The following LIN7A variants were observed in gnomAD, a reference collection of about 807,000 sequenced individuals.
LIN7A encodes the protein protein lin-7 homolog A.
Under a neutral mutation model 29.8 loss-of-function variants are expected in LIN7A, and 25 were observed. The observed-to-expected ratio is 0.84, with a 90% confidence interval of 0.61 to 1.17. The LOEUF is 1.17. LIN7A is among the 50% of genes most tolerant of loss of function. The pLI is 0.00. For synonymous variants in LIN7A, 118 were observed against 107.5 expected (o/e 1.10, Z -0.60); for missense variants, 239 against 287.0 (o/e 0.83, Z 1.21).
intron 5 of LIN7A, among the ~76,000 whole-genome samples, chr12:80,809,263 G>T (rs1018915904): frequency 1.3e-5 from 2 of 152,204 alleles, no homozygotes; most frequent in Non-Finnish European, 1.5e-5. Flanking sequence ...ACTGCTCCCA[G>T]CCTGTAGCTT....
intron 1 of LIN7A, among the ~76,000 whole-genome samples, chr12:80,913,292 T>C (rs1045971245): frequency 3.3e-5 from 5 of 152,226 alleles, no homozygotes; most frequent in African/African-American, 1.2e-4. Flanking sequence ...TTTTACGTAA[T>C]CTCAGTTTAA....
At chr12:80,813,491 T>C (rs1477870974) in intron 4 of LIN7A, among the ~76,000 whole-genome samples, 1 of 152,116 alleles carries the variant, frequency 6.6e-6, no homozygotes, top group East Asian at 1.9e-4. Context: ...AATTTTATAT[T>C]AAGAAAAATC....
At chr12:80,853,321 C>CTAAAATAA (rs1369809867) in intron 2 of LIN7A, among the ~76,000 whole-genome samples, 1 of 137,634 alleles carries the variant, frequency 7.3e-6, no homozygotes, top group African/African-American at 2.6e-5. Context: ...AAAAGATAGC[C>CTAAAATAA]TAAAATAATA....
intron 5 of LIN7A, among the ~76,000 whole-genome samples, chr12:80,808,653 C>A (rs1015274100): frequency 1.3e-5 from 2 of 150,388 alleles, no homozygotes; most frequent in African/African-American, 4.9e-5. Context: ...CTACAGGCGC[C>A]CGCCACCACG....
chr12:80,873,675 A>G (rs763145980), intron 2 of LIN7A, among the ~76,000 whole-genome samples: 2 of 152,186 alleles, frequency 1.3e-5, no homozygotes, highest in African/African-American at 4.8e-5. Flanking sequence ...GACCTCAATG[A>G]TTTATCTGTC....
chr12:80,895,049 G>A (rs945312332), intron 1 of LIN7A, among the ~76,000 whole-genome samples: 3 of 152,052 alleles, frequency 2.0e-5, no homozygotes, highest in African/African-American at 7.2e-5. Context: ...AAATAATAAA[G>A]ATATGGCAAA....
chr12:80,822,969 C>CA (rs1474193914), intron 4 of LIN7A, among the ~76,000 whole-genome samples: 1 of 152,116 alleles, frequency 6.6e-6, no homozygotes, highest in African/African-American at 2.4e-5. Context: ...GCCTATGGAC[C>CA]AATCAGCATG....
At chr12:80,829,284 T>C (rs1266265833) in intron 4 of LIN7A, among the ~76,000 whole-genome samples, 3 of 152,230 alleles carry the variant, frequency 2.0e-5, no homozygotes, top group African/African-American at 4.8e-5. Flanking sequence ...AGAAGTATAG[T>C]CTGTGGGAGC....
At chr12:80,881,160 G>GA (rs5799496) in intron 2 of LIN7A, among the ~76,000 whole-genome samples, 99,693 of 151,848 alleles carry the variant, frequency 0.66, 36,294 homozygotes, top group Non-Finnish European at 0.83. Context: ...TTCTCCAGGG[G>GA]AAAAAAATCT....
Position 80,801,039 on chromosome 12 carries a change from A to T in LIN7A, c.*1-3313T>A, listed in dbSNP as rs149738828. ...TTTAAAAATCAGGTTATAATTTAGC[A>T]TGTAAAATATGAGTGAAAATAAGCA... On this transcript the variant is annotated intron_variant, in intron 5 of 5. Coordinates refer to ENST00000552864, the MANE Select transcript of LIN7A (RefSeq NM_004664.4). Among the ~76,000 whole-genome samples, 171 of 150,526 alleles carry T rather than the reference A, an allele frequency of 1.1e-3. 2 individuals are homozygous for T. In the East Asian group the frequency reaches 0.028, roughly 25 times the overall value.
At chr12:80,817,204 G>A (rs1322642396) in intron 4 of LIN7A, among the ~76,000 whole-genome samples, 1 of 152,118 alleles carries the variant, frequency 6.6e-6, no homozygotes, top group East Asian at 1.9e-4. Context: ...GGTTGATTAA[G>A]GATCATCCCT....
intron 1 of LIN7A, among the ~76,000 whole-genome samples, chr12:80,918,026 C>T (rs1207469257): frequency 2.0e-5 from 3 of 151,876 alleles, no homozygotes. Context: ...ATGTACATTT[C>T]TTTCTTTCAT....
intron 5 of LIN7A, among the ~76,000 whole-genome samples, chr12:80,798,835 C>T (rs767348692): frequency 3.3e-5 from 5 of 150,596 alleles, no homozygotes; most frequent in African/African-American, 4.9e-5. Flanking sequence ...CAGACTCAAG[C>T]GATTCTTCTG....
intron 1 of LIN7A, among the ~76,000 whole-genome samples, chr12:80,896,052 T>C (rs1266647300): frequency 6.6e-6 from 1 of 152,210 alleles, no homozygotes; most frequent in Non-Finnish European, 1.5e-5. Context: ...CGGGATAATA[T>C]TGATGCTATA....
At chr12:80,807,063 G>GTTTTTTTTTTGTTTTTTTTTTTT (rs1871029199) in intron 5 of LIN7A, among the ~76,000 whole-genome samples, 1 of 53,590 alleles carries the variant, frequency 1.9e-5, no homozygotes, top group Non-Finnish European at 3.5e-5. Context: ...TGAAGATGGA[G>GTTTTTTTTTTGTTTTTTTTTTTT]TTTTTTTTTT....
Position 80,811,506 on chromosome 12 carries a change from GTTGCTGCTGCTGAATTAGCAA to G in LIN7A, c.640_660del (p.Leu214_Gln220del). On this transcript the variant is annotated inframe_deletion, in exon 5 of 6. Transcript: ENST00000552864. The stretch of plus-strand genomic sequence containing the variant: ...TGTTGTGTTTGTTGCTGCTGCTGCT[GTTGCTGCTGCTGAATTAGCAA>G]TTGCTGCTGCTGCCGACGCCTGGCT... 6.3e-7 allele frequency: 1 copy of G among 1,597,386 alleles called. No individual in the cohort carries two copies. The highest frequency in any genetic ancestry group is 8.6e-7 in the Non-Finnish European group (1 of 1,168,604).
At chr12:80,924,440 T>A (rs1005281005) in intron 1 of LIN7A, among the ~76,000 whole-genome samples, 1 of 152,248 alleles carries the variant, frequency 6.6e-6, no homozygotes, top group Admixed American at 6.5e-5. Context: ...GAGCACTTAC[T>A]ATGGACCTGG....
chr12:80,905,619 C>T (rs1876439308), intron 1 of LIN7A, among the ~76,000 whole-genome samples: 1 of 152,124 alleles, frequency 6.6e-6, no homozygotes, highest in Admixed American at 6.5e-5. Context: ...TTCCCACTAA[C>T]AGTTTTTGCC....
intron 1 of LIN7A, among the ~76,000 whole-genome samples, chr12:80,900,320 G>T (rs1351931566): frequency 6.6e-6 from 1 of 152,040 alleles, no homozygotes; most frequent in Non-Finnish European, 1.5e-5. Flanking sequence ...GGATTGGTTT[G>T]CTCTGGTTTC....
Sources: allele counts gnomAD v4.1 joint callset (sites outside exome capture counted in the v4.1 genomes callset), GRCh38; gene constraint gnomAD v4.1.1; transcripts MANE v1.5; gene names NCBI Gene and HGNC (gene_info 2026-07-23, HGNC 2026-07-21).